DPP10: variants seen among roughly 807,000 people sequenced by gnomAD.
The protein encoded by DPP10 is inactive dipeptidyl peptidase 10.
DPP10 carries 33 observed loss-of-function variants against 120.9 expected under a neutral mutation model. The observed-to-expected ratio is 0.27, with a 90% CI of 0.21 to 0.37. DPP10 has a LOEUF of 0.37. Among genes scored for constraint, DPP10 ranks in the 10% least tolerant of loss-of-function variants. DPP10 has a pLI of 1.00. For synonymous variants in DPP10, 337 were observed against 326.1 expected (o/e 1.03, Z -0.36); for missense variants, 816 against 942.8 (o/e 0.87, Z 1.76).
At chr2:114,519,287 G>A (rs1159470540) in intron 1 of DPP10, among the ~76,000 whole-genome samples, 1 of 152,152 alleles carries the variant, frequency 6.6e-6, no homozygotes, top group Non-Finnish European at 1.5e-5. Flanking sequence ...TCATCTTAGC[G>A]ACTTAATCCA....
chr2:115,208,191 CTTTTTTTTTTTTTCT>C (rs888812338), intron 1 of DPP10, among the ~76,000 whole-genome samples: 3 of 138,930 alleles, frequency 2.2e-5, no homozygotes, highest in Admixed American at 7.4e-5. Flanking sequence ...CATTATTTCT[CTTTTTTTTTTTTTCT>C]TTTTTTTTTT....
chr2:115,671,047 C>G (rs1414317972), intron 5 of DPP10, among the ~76,000 whole-genome samples: 1 of 151,958 alleles, frequency 6.6e-6, no homozygotes, highest in Non-Finnish European at 1.5e-5. Context: ...TGATGATATT[C>G]AGGGCATGTC....
At chr2:115,494,384 G>T (rs1479457612) in intron 3 of DPP10, among the ~76,000 whole-genome samples, 3 of 152,160 alleles carry the variant, frequency 2.0e-5, no homozygotes, top group Non-Finnish European at 2.9e-5. Flanking sequence ...GGAAAAAAAT[G>T]TGCATGCAAT....
At chr2:114,683,606 T>G (rs1699176868) in intron 1 of DPP10, among the ~76,000 whole-genome samples, 1 of 150,450 alleles carries the variant, frequency 6.6e-6, no homozygotes, top group East Asian at 2.0e-4. Context: ...CTTTCTTTCT[T>G]GCTTGCTTGC....
intron 1 of DPP10, among the ~76,000 whole-genome samples, chr2:114,725,386 A>C (rs987916910): frequency 6.6e-6 from 1 of 152,136 alleles, no homozygotes; most frequent in African/African-American, 2.4e-5. Context: ...CTCTGCATCA[A>C]ATTGTCTTCT....
At chr2:114,619,160 A>G (rs1214455137) in intron 1 of DPP10, among the ~76,000 whole-genome samples, 1 of 152,064 alleles carries the variant, frequency 6.6e-6, no homozygotes, top group African/African-American at 2.4e-5. Context: ...TGGGAACAGT[A>G]TGGATTATGA....
At chr2:115,573,276 A>ATTTTT (rs34420249) in intron 5 of DPP10, among the ~76,000 whole-genome samples, 3 of 86,528 alleles carry the variant, frequency 3.5e-5, no homozygotes, top group Admixed American at 1.3e-4. Flanking sequence ...GCTTCCTGGG[A>ATTTTT]TTTTTTTTTT....
chr2:115,170,450 G>A (rs2053231721), intron 1 of DPP10, among the ~76,000 whole-genome samples: 1 of 151,982 alleles, frequency 6.6e-6, no homozygotes, highest in Non-Finnish European at 1.5e-5. Context: ...AATCCATGAA[G>A]GATTCCTCAA....
chr2:115,798,521 G>T (rs964478055), intron 19 of DPP10, among the ~76,000 whole-genome samples: 1 of 152,014 alleles, frequency 6.6e-6, no homozygotes, highest in African/African-American at 2.4e-5. Context: ...TATGAATCAT[G>T]TAAGGCTGTG....
chr2:115,592,392 G>T (rs1272449469), intron 5 of DPP10, among the ~76,000 whole-genome samples: 1 of 151,914 alleles, frequency 6.6e-6, no homozygotes, highest in Admixed American at 6.6e-5. Context: ...ACTTTTAAAG[G>T]TGTCAGCCTC....
chr2:115,395,458 T>G (rs1204945313), intron 3 of DPP10, among the ~76,000 whole-genome samples: 1 of 152,210 alleles, frequency 6.6e-6, no homozygotes, highest in African/African-American at 2.4e-5. Context: ...CATCCCATAA[T>G]AACCTCCAAA....
intron 1 of DPP10, among the ~76,000 whole-genome samples, chr2:115,267,196 C>T (rs1198074398): frequency 2.0e-5 from 3 of 152,122 alleles, no homozygotes; most frequent in Non-Finnish European, 4.4e-5. Flanking sequence ...AGAAGCAAAT[C>T]ATGCTTTCTG....
chr2:115,240,188 A>G (rs1256221631), intron 1 of DPP10, among the ~76,000 whole-genome samples: 1 of 152,200 alleles, frequency 6.6e-6, no homozygotes, highest in Non-Finnish European at 1.5e-5. Context: ...AGTGTCTTCC[A>G]CAGTTGTTGA....
intron 1 of DPP10, among the ~76,000 whole-genome samples, chr2:114,610,946 G>A (rs1403579437): frequency 6.6e-6 from 1 of 151,952 alleles, no homozygotes; most frequent in Non-Finnish European, 1.5e-5. Context: ...GTTTTAGCAG[G>A]ACAGCTATTT....
At chr2:115,723,375 G>A (rs2092691537) in intron 7 of DPP10, among the ~76,000 whole-genome samples, 1 of 152,126 alleles carries the variant, frequency 6.6e-6, no homozygotes, top group African/African-American at 2.4e-5. Flanking sequence ...CGATATCTCA[G>A]TGAAATTTTT....
intron 1 of DPP10, among the ~76,000 whole-genome samples, chr2:114,956,128 T>C (rs1178553993): frequency 6.6e-6 from 1 of 151,758 alleles, no homozygotes; most frequent in African/African-American, 2.4e-5. Context: ...CAAAAAACAT[T>C]CAAAAAGGAA....
intron 19 of DPP10, among the ~76,000 whole-genome samples, chr2:115,806,493 A>G (rs1685987675): frequency 6.6e-6 from 1 of 152,218 alleles, no homozygotes; most frequent in African/African-American, 2.4e-5. Context: ...TTTCCAGTTG[A>G]TAAATGGATT....
intron 10 of DPP10, among the ~76,000 whole-genome samples, chr2:115,750,715 A>T (rs760834505): frequency 1.3e-5 from 2 of 152,216 alleles, no homozygotes; most frequent in Admixed American, 6.5e-5. Flanking sequence ...AAAATCAGTT[A>T]TTCACCACAT....
chr2:114,495,905 T>G (rs1410254302), intron 1 of DPP10, among the ~76,000 whole-genome samples: 1 of 152,162 alleles, frequency 6.6e-6, no homozygotes, highest in African/African-American at 2.4e-5. Context: ...CACACAGAAA[T>G]TTTTACCTTC....
Sources: allele counts gnomAD v4.1 joint callset (sites outside exome capture counted in the v4.1 genomes callset), GRCh38; gene constraint gnomAD v4.1.1; transcripts MANE v1.5; gene names NCBI Gene and HGNC (gene_info 2026-07-23, HGNC 2026-07-21).